The following ELOVL6 variants were observed in gnomAD, a reference collection of about 807,000 sequenced individuals.
The protein encoded by ELOVL6 is ELOVL fatty acid elongase 6, also known as very long chain fatty acid elongase 6.
A neutral mutation model predicts 31.7 loss-of-function variants in ELOVL6; 8 were observed. The ratio of observed to expected loss-of-function variants is 0.25; its 90% CI spans 0.15 to 0.45. The LOEUF (loss-of-function observed/expected upper bound fraction) is 0.45, where lower values mean the gene tolerates loss of function less well. Among genes scored for constraint, ELOVL6 ranks in the 20% least tolerant of loss-of-function variants. The pLI is 1.00. For missense variants in ELOVL6, 126 were observed against 326.4 expected (o/e 0.39, Z 4.73); for synonymous variants, 101 against 117.7 (o/e 0.86, Z 0.92).
intron 2 of ELOVL6, among the ~76,000 whole-genome samples, chr4:110,084,204 TATATAA>T (rs1186739129): frequency 1.5e-5 from 1 of 68,862 alleles, no homozygotes; most frequent in African/African-American, 6.7e-5. Flanking sequence ...TTATATGATA[TATATAA>T]CATATAACTT....
chr4:110,123,392 T>G (rs933078114), intron 1 of ELOVL6, among the ~76,000 whole-genome samples: 1 of 152,176 alleles, frequency 6.6e-6, no homozygotes, highest in Admixed American at 6.5e-5. Context: ...GCCAACTGTG[T>G]GCTAAGCAGA....
intron 2 of ELOVL6, among the ~76,000 whole-genome samples, chr4:110,084,219 T>TGTGATGATA (rs1560814604): frequency 5.8e-5 from 3 of 51,494 alleles, no homozygotes; most frequent in South Asian, 6.3e-4. Context: ...AACATATAAC[T>TGTGATGATA]TATATGATAT....
intron 1 of ELOVL6, among the ~76,000 whole-genome samples, chr4:110,188,594 A>G (rs1759513416): frequency 6.6e-6 from 1 of 152,146 alleles, no homozygotes; most frequent in African/African-American, 2.4e-5. Flanking sequence ...CAGTTAAAGT[A>G]CGTAAAACAT....
intron 2 of ELOVL6, among the ~76,000 whole-genome samples, chr4:110,070,828 C>A (rs1055343149): frequency 2.6e-5 from 4 of 152,150 alleles, no homozygotes; most frequent in Non-Finnish European, 4.4e-5. Flanking sequence ...TGAGGCCTCC[C>A]CAGCCATGCT....
intron 2 of ELOVL6, among the ~76,000 whole-genome samples, chr4:110,086,676 A>G (rs1296442305): frequency 6.6e-6 from 1 of 152,188 alleles, no homozygotes; most frequent in Non-Finnish European, 1.5e-5. Flanking sequence ...TGGTAGTGTT[A>G]GTGGTAAAAA....
intron 2 of ELOVL6, among the ~76,000 whole-genome samples, chr4:110,075,730 G>A (rs975320911): frequency 1.3e-5 from 2 of 152,104 alleles, no homozygotes; most frequent in African/African-American, 2.4e-5. Context: ...CACATAAAAT[G>A]GTTAAGAGGA....
chr4:110,150,493 A>C (rs1758248615), intron 1 of ELOVL6, among the ~76,000 whole-genome samples: 1 of 152,198 alleles, frequency 6.6e-6, no homozygotes, highest in East Asian at 1.9e-4. Context: ...TCTCAAACTC[A>C]TTATCTGTCA....
In ELOVL6 at chr4:110,168,341, C is replaced by A. The variant is rs186446921; in HGVS notation, c.89+29906G>T. Among the ~76,000 whole-genome samples, 60 of 151,872 alleles carry A rather than the reference C, an allele frequency of 4.0e-4. 1 individual carries two copies. The highest frequency in any genetic ancestry group is 1.3e-3 in the African/African-American group (53 of 41,408). On this transcript the variant is annotated intron_variant, in intron 1 of 3. Coordinates refer to ENST00000302274, the MANE Select transcript of ELOVL6 (RefSeq NM_024090.3). Reference sequence around the variant, plus strand: ...ACCGGCTTGGGCAACAAGGCGAAACCCCGTCTCTACTAAAAAAATATGCAA... The same window carrying A: ...ACCGGCTTGGGCAACAAGGCGAAACACCGTCTCTACTAAAAAAATATGCAA...
chr4:110,146,578 A>G (rs1758117681), intron 1 of ELOVL6: 1 of 152,398 alleles, frequency 6.6e-6, no homozygotes, highest in Admixed American at 6.5e-5. Context: ...CAAAAACAGT[A>G]TGTACAATTC....
intron 1 of ELOVL6, among the ~76,000 whole-genome samples, chr4:110,118,717 T>C (rs1156532155): frequency 6.6e-6 from 1 of 152,244 alleles, no homozygotes; most frequent in African/African-American, 2.4e-5. Context: ...GATACTCCCA[T>C]ATTCAAAGTC....
At chr4:110,122,606 G>C (rs1757385780) in intron 1 of ELOVL6, among the ~76,000 whole-genome samples, 1 of 152,124 alleles carries the variant, frequency 6.6e-6, no homozygotes, top group Admixed American at 6.5e-5. Flanking sequence ...TCAAACTCCT[G>C]AGCTCAAGCA....
rs576850568 is a variant in ELOVL6 at position 110,198,584 on chromosome 4, G to A, written c.-249C>T. Reference sequence around the variant, plus strand: ...CCTCCTCCCGGCGTCCGCATCCACCGTAGGAGGAAATGAATGCCTTGCGGT... The same window carrying A: ...CCTCCTCCCGGCGTCCGCATCCACCATAGGAGGAAATGAATGCCTTGCGGT... On this transcript the variant is annotated 5_prime_UTR_variant, in exon 1 of 4. It adds an upstream start codon to the 5' untranslated region. Coordinates refer to ENST00000302274, the MANE Select transcript of ELOVL6 (RefSeq NM_024090.3). The A allele has an allele frequency of 8.8e-6, 4 of 455,184 alleles. No homozygotes were observed. The highest frequency in any genetic ancestry group is 3.9e-5 in the Admixed American group (1 of 25,708). The allele number at this position is 455,184 out of a possible 1,614,324, so 28.2% of individuals were successfully genotyped here. A position where few individuals can be genotyped will look rare whatever the true frequency, so the allele number is the denominator to read the frequency against.
At chr4:110,135,483 G>A (rs1464125219) in intron 1 of ELOVL6, among the ~76,000 whole-genome samples, 7 of 152,158 alleles carry the variant, frequency 4.6e-5, no homozygotes, top group Non-Finnish European at 5.9e-5. Context: ...TGGCAAATAC[G>A]AGAAAAGGTC....
intron 2 of ELOVL6, among the ~76,000 whole-genome samples, chr4:110,070,174 C>T (rs1755428877): frequency 6.6e-6 from 1 of 152,180 alleles, no homozygotes; most frequent in African/African-American, 2.4e-5. Flanking sequence ...GGAGGCTCAG[C>T]CATGCCAAAT....
At chr4:110,097,402 T>C (rs1265701298) in intron 2 of ELOVL6, among the ~76,000 whole-genome samples, 2 of 152,012 alleles carry the variant, frequency 1.3e-5, no homozygotes, top group Non-Finnish European at 1.5e-5. Flanking sequence ...CAGGGTGTCC[T>C]TCATCAAGGA....
intron 2 of ELOVL6, among the ~76,000 whole-genome samples, chr4:110,062,260 A>G (rs1755162143): frequency 6.6e-6 from 1 of 152,222 alleles, no homozygotes; most frequent in Admixed American, 6.5e-5. Context: ...AGCACATATT[A>G]TTGTCCCATA....
rs1326087218 is a variant in ELOVL6, at chr4:110,084,259, A to AT, written c.221+21237_221+21238insA. ...AACATATATGATATATATAACATATAGCTTATATGTGATATATAACATATA... is the reference window on the plus strand; with the variant it reads ...AACATATATGATATATATAACATATATGCTTATATGTGATATATAACATATA... On this transcript the variant is annotated intron_variant, in intron 2 of 3. Coordinates refer to ENST00000302274, the MANE Select transcript of ELOVL6 (RefSeq NM_024090.3). Among the ~76,000 whole-genome samples, 108 of 128,114 alleles carry AT rather than the reference A, an allele frequency of 8.4e-4. 3 individuals carry two copies. Among genetic ancestry groups the AT allele is most frequent in the African/African-American group, 3.0e-3 (102 of 33,872 alleles). The allele number at this position is 128,114 out of a possible 152,430, so 84.0% of individuals were successfully genotyped here. A position where few individuals can be genotyped will look rare whatever the true frequency, so the allele number is the denominator to read the frequency against.
At chr4:110,131,780 T>C (rs1264038137) in intron 1 of ELOVL6, among the ~76,000 whole-genome samples, 2 of 152,192 alleles carry the variant, frequency 1.3e-5, no homozygotes, top group African/African-American at 2.4e-5. Context: ...TAGACAGTTC[T>C]AGATGCTGGT....
chr4:110,164,518 C>T (rs141682467), intron 1 of ELOVL6, among the ~76,000 whole-genome samples: 5,313 of 152,084 alleles, frequency 0.035, 309 homozygotes, highest in African/African-American at 0.12. Context: ...GTAATCCCAG[C>T]ACTTTGGGAA....
Sources: allele counts gnomAD v4.1 joint callset (sites outside exome capture counted in the v4.1 genomes callset), GRCh38; gene constraint gnomAD v4.1.1; transcripts MANE v1.5; gene names NCBI Gene and HGNC (gene_info 2026-07-23, HGNC 2026-07-21).